Variants in PTPRG observed in about 807,000 individuals in gnomAD.
The protein encoded by PTPRG is receptor-type tyrosine-protein phosphatase gamma.
In PTPRG, 102 loss-of-function variants were observed where a neutral mutation model predicts 165.3. The ratio of observed to expected loss-of-function variants is 0.62; its 90% confidence interval spans 0.53 to 0.73. PTPRG has a LOEUF of 0.73. Ranked by LOEUF, PTPRG falls within the 30% of genes least tolerant of loss-of-function variation. PTPRG has a pLI of 0.00. For missense variants in PTPRG, 1,866 were observed against 1,861.4 expected (o/e 1.00, Z -0.05); for synonymous variants, 675 against 669.5 (o/e 1.01, Z -0.13).
At position 61,887,966 on chromosome 3, in the gene PTPRG, A is replaced by G. The variant is rs539372680; in HGVS notation, c.191-101659A>G. ...CTCTGGAGAATACCAAAATGGATTA[A>G]AGTAAGTCCAAGTAAAAAAACCAAA... On this transcript the variant is annotated intron_variant, in intron 2 of 29. Coordinates refer to ENST00000474889, the MANE Select transcript of PTPRG (RefSeq NM_002841.4). Among the ~76,000 whole-genome samples, 104 of 151,094 alleles carry G rather than the reference A, an allele frequency of 6.9e-4. 1 individual carries two copies. Among genetic ancestry groups the G allele is most frequent in the Middle Eastern group, 6.8e-3 (2 of 294 alleles).
At chr3:61,718,437 C>T (rs2031908774) in intron 1 of PTPRG, among the ~76,000 whole-genome samples, 1 of 152,152 alleles carries the variant, frequency 6.6e-6, no homozygotes, top group African/African-American at 2.4e-5. Flanking sequence ...CACTTTAACA[C>T]ATACTTGGCT....
intron 5 of PTPRG, among the ~76,000 whole-genome samples, chr3:62,128,602 T>C (rs894794678): frequency 6.6e-6 from 1 of 151,540 alleles, no homozygotes; most frequent in African/African-American, 2.4e-5. Flanking sequence ...CTCTAAACTT[T>C]AAACGTTTAA....
chr3:61,667,696 T>G (rs964660908), intron 1 of PTPRG, among the ~76,000 whole-genome samples: 1 of 152,048 alleles, frequency 6.6e-6, no homozygotes, highest in African/African-American at 2.4e-5. Context: ...TCCCAGGTAC[T>G]TAGGAGGCTG....
At chr3:61,718,878 C>CCA (rs993264842) in intron 1 of PTPRG, among the ~76,000 whole-genome samples, 4 of 152,100 alleles carry the variant, frequency 2.6e-5, no homozygotes, top group South Asian at 4.1e-4. Flanking sequence ...CATTGAATTG[C>CCA]CACACACACA....
chr3:61,894,025 T>G (rs1262840102), intron 2 of PTPRG, among the ~76,000 whole-genome samples: 1 of 152,014 alleles, frequency 6.6e-6, no homozygotes, highest in African/African-American at 2.4e-5. Context: ...GTTTACAGGC[T>G]AATTAGAAAT....
intron 6 of PTPRG, among the ~76,000 whole-genome samples, chr3:62,133,876 G>C (rs1487177572): frequency 6.6e-6 from 1 of 151,976 alleles, no homozygotes; most frequent in Non-Finnish European, 1.5e-5. Flanking sequence ...CCAGCTACTC[G>C]AGAGGCTGAG....
intron 23 of PTPRG, 36 bp from the exon 24 acceptor site, chr3:62,275,837 C>G: frequency 6.7e-7 from 1 of 1,483,694 alleles, no homozygotes. Context: ...TCAATTATAT[C>G]TTTGAATGAA....
At chr3:62,278,096 A>ATACATAC (rs1702295794) in intron 26 of PTPRG, among the ~76,000 whole-genome samples, 1 of 152,144 alleles carries the variant, frequency 6.6e-6, no homozygotes. Flanking sequence ...ATTTTAAGAC[A>ATACATAC]TACATACTAT....
In PTPRG at chr3:62,166,857, T is replaced by C. The variant is rs141734275; in HGVS notation, c.841-1114T>C. ...GCATGCACCACCATGCCCGGCTGAT[T>C]TGTGTATTTTTTATATAGGCAGGGT... On this transcript the variant is annotated intron_variant, in intron 7 of 29. Transcript: ENST00000474889. Among the ~76,000 whole-genome samples the C allele has an allele frequency of 2.6e-3, 401 of 151,950 alleles. 1 individual carries two copies. Among genetic ancestry groups the C allele is most frequent in the African/African-American group, 8.9e-3 (369 of 41,458 alleles).
intron 1 of PTPRG, among the ~76,000 whole-genome samples, chr3:61,702,898 T>C (rs2031051111): frequency 6.6e-6 from 1 of 152,258 alleles, no homozygotes; most frequent in African/African-American, 2.4e-5. Flanking sequence ...TTGAGTTCTT[T>C]CTAGTTTTAG....
chr3:62,117,435 T>C (rs547174834), intron 5 of PTPRG, among the ~76,000 whole-genome samples: 1 of 152,330 alleles, frequency 6.6e-6, no homozygotes, highest in South Asian at 2.1e-4. Context: ...TTTGCAGGGA[T>C]ACCAAGATCT....
intron 2 of PTPRG, among the ~76,000 whole-genome samples, chr3:61,965,590 T>C (rs2040253566): frequency 6.6e-6 from 1 of 150,866 alleles, no homozygotes; most frequent in South Asian, 2.1e-4. Flanking sequence ...CTAAAGCACT[T>C]GCAAAAATAG....
intron 2 of PTPRG, among the ~76,000 whole-genome samples, chr3:61,813,640 T>C (rs1356568587): frequency 6.7e-6 from 1 of 149,298 alleles, no homozygotes; most frequent in African/African-American, 2.5e-5. Context: ...CTAGATGCCT[T>C]TAATAGCAGT....
At chr3:61,918,971 G>A (rs2039008991) in intron 2 of PTPRG, among the ~76,000 whole-genome samples, 1 of 152,136 alleles carries the variant, frequency 6.6e-6, no homozygotes, top group African/African-American at 2.4e-5. Context: ...AGGAGAATTC[G>A]GTGGTTGTGA....
intron 1 of PTPRG, among the ~76,000 whole-genome samples, chr3:61,736,450 A>AT (rs2032726935): frequency 6.9e-6 from 1 of 144,192 alleles, no homozygotes; most frequent in Non-Finnish European, 1.5e-5. Context: ...ATTAACTATT[A>AT]TCTTTTTTTT....
At chr3:61,797,583 C>CCA (rs2035089712) in intron 2 of PTPRG, among the ~76,000 whole-genome samples, 2 of 57,312 alleles carry the variant, frequency 3.5e-5, no homozygotes, top group African/African-American at 1.1e-4. Flanking sequence ...ATCTCCACAC[C>CCA]CCCCCCCACC....
chr3:62,056,832 G>C (rs1575946134), intron 4 of PTPRG, among the ~76,000 whole-genome samples: 4 of 152,148 alleles, frequency 2.6e-5, no homozygotes, highest in Admixed American at 2.0e-4. Context: ...TGTCTATTTA[G>C]GGTGGTTGCT....
At chr3:61,658,450 C>T (rs1559544017) in intron 1 of PTPRG, among the ~76,000 whole-genome samples, 1 of 152,158 alleles carries the variant, frequency 6.6e-6, no homozygotes, top group Non-Finnish European at 1.5e-5. Context: ...CTGCCCTCAT[C>T]TATTTTTTGT....
At chr3:61,594,921 A>G (rs1488881746) in intron 1 of PTPRG, among the ~76,000 whole-genome samples, 1 of 152,202 alleles carries the variant, frequency 6.6e-6, no homozygotes, top group Admixed American at 6.5e-5. Flanking sequence ...TCTGAAATTG[A>G]CAGGGAATTG....
Sources: gnomAD v4.1 joint callset for allele counts (sites outside exome capture counted in the v4.1 genomes callset) on GRCh38, gnomAD v4.1.1 for gene constraint, MANE v1.5 for transcripts, NCBI Gene and HGNC (gene_info 2026-07-23, HGNC 2026-07-21) for gene names.